Variants in TRIM37 observed in about 807,000 individuals in gnomAD.
TRIM37 encodes E3 ubiquitin-protein ligase TRIM37.
Under a neutral mutation model 129.8 loss-of-function variants are expected in TRIM37, and 80 were observed. That is an observed-to-expected ratio of 0.62 (90% CI 0.51 to 0.74). The LOEUF (loss-of-function observed/expected upper bound fraction) is 0.74, where lower values mean the gene tolerates loss of function less well. Among genes scored for constraint, TRIM37 ranks in the 30% least tolerant of loss-of-function variants. The pLI, the probability that TRIM37 is intolerant of heterozygous loss-of-function variation, is 0.00. For missense variants in TRIM37, 1,054 were observed against 1,176.5 expected (o/e 0.90, Z 1.52); for synonymous variants, 389 against 387.1 (o/e 1.00, Z -0.06).
chr17:59,096,222 G>A (rs2044845490), intron 2 of TRIM37, among the ~76,000 whole-genome samples: 1 of 151,818 alleles, frequency 6.6e-6, no homozygotes, highest in South Asian at 2.1e-4. Flanking sequence ...TAAAATTACT[G>A]TTAGTGTAAC....
chr17:59,052,869 C>T (rs987596589), intron 13 of TRIM37, among the ~76,000 whole-genome samples: 4 of 152,026 alleles, frequency 2.6e-5, no homozygotes, highest in African/African-American at 4.8e-5. Flanking sequence ...GCAGGAGAAT[C>T]GCTTGAATCT....
intron 12 of TRIM37, among the ~76,000 whole-genome samples, chr17:59,060,223 C>A (rs952938364): frequency 6.6e-6 from 1 of 152,148 alleles, no homozygotes; most frequent in Non-Finnish European, 1.5e-5. Flanking sequence ...TCTCTCAAGG[C>A]TGTAAGCTGG....
Position 59,052,280 on chromosome 17 carries a change from C to T in TRIM37, c.1200-952G>A, listed in dbSNP as rs73319217. Among the ~76,000 whole-genome samples the T allele has an allele frequency of 9.2e-3, 1,382 of 150,624 alleles. 27 individuals carry two copies. Among genetic ancestry groups the T allele is most frequent in the African/African-American group, 0.031 (1,272 of 41,096 alleles). On this transcript the variant is annotated intron_variant, in intron 13 of 23. Transcript: ENST00000262294. ...ACCTTTGTTACATAGCCTAACGTGA[C>T]TATATTTAAGGTGAAAAAATTGCAG...
At chr17:59,052,269 G>C (rs1169520990) in intron 13 of TRIM37, among the ~76,000 whole-genome samples, 1 of 150,318 alleles carries the variant, frequency 6.7e-6, no homozygotes, top group African/African-American at 2.4e-5. Context: ...TTGTTACATA[G>C]CCTAACGTGA....
intron 3 of TRIM37, chr17:59,090,062 T>C (rs529868835): frequency 6.6e-6 from 1 of 151,956 alleles, no homozygotes; most frequent in African/African-American, 2.4e-5. Context: ...ATCACGCCAT[T>C]GCACTCCGGC....
intron 11 of TRIM37, among the ~76,000 whole-genome samples, chr17:59,061,383 C>A (rs1370445680): frequency 6.6e-6 from 1 of 151,398 alleles, no homozygotes; most frequent in African/African-American, 2.4e-5. Flanking sequence ...TACAAATCAA[C>A]CTTAATAAAA....
intron 19 of TRIM37, among the ~76,000 whole-genome samples, chr17:59,024,248 T>C (rs1256254289): frequency 6.7e-6 from 1 of 148,780 alleles, no homozygotes; most frequent in African/African-American, 2.5e-5. Context: ...AATTGCCACA[T>C]TGGTTGAATA....
At chr17:58,972,647 G>A in the TRIM37 span, among the ~76,000 whole-genome samples, 2 of 152,278 alleles carry the variant, frequency 1.3e-5, no homozygotes, top group African/African-American at 2.4e-5. Context: ...CACCGCGCCC[G>A]GCCAGGATTC....
chr17:59,081,953 TAAA>T (rs762912390), intron 5 of TRIM37, among the ~76,000 whole-genome samples: 23 of 113,306 alleles, frequency 2.0e-4, no homozygotes, highest in Admixed American at 3.5e-4. Context: ...AAAAAAAAAA[TAAA>T]AAAAAAAAAA....
intron 19 of TRIM37, among the ~76,000 whole-genome samples, chr17:59,019,576 C>T (rs531864647): frequency 6.6e-5 from 10 of 152,036 alleles, no homozygotes; most frequent in Admixed American, 2.6e-4. Flanking sequence ...GGCATGGTGG[C>T]GCACACCTGT....
At chr17:59,002,846 T>C (rs1402054970) in intron 22 of TRIM37, among the ~76,000 whole-genome samples, 1 of 151,912 alleles carries the variant, frequency 6.6e-6, no homozygotes, top group Non-Finnish European at 1.5e-5. Flanking sequence ...GAAAGGGAAT[T>C]AAAAGTGAGA....
chr17:58,970,967 T>G, the TRIM37 span, among the ~76,000 whole-genome samples: 26 of 151,216 alleles, frequency 1.7e-4, no homozygotes, highest in South Asian at 6.2e-4. Flanking sequence ...AAATTATGTG[T>G]TGTTGTTGTT....
downstream of TRIM37, chr17:58,980,775 GCCA>G (rs1408079862): frequency 4.3e-6 from 7 of 1,613,936 alleles, no homozygotes; most frequent in African/African-American, 9.3e-5. The surrounding 1 kb of genome is among the most constrained non-coding windows in gnomAD (Gnocchi z 4.7). Context: ...TCTCATTTAC[GCCA>G]CCACTACTCA....
chr17:59,070,873 C>T lies in TRIM37; in HGVS notation c.759G>A (p.Arg253=). ...TGGTAACAAAAGATGCCATGGGCTT[C>T]CGATGAACTTGCTGAAACATCATAA... ...EILMMFQQVH[R]KPMASFVTTP... is the part of the protein sequence containing the mutation. The change falls in exon 9 of 24, where the codon CGG becomes CGA. Residue 253 remains arginine (R), a synonymous_variant. Transcript: ENST00000262294. 6.2e-7 allele frequency: 1 copy of T among 1,613,954 alleles called. No individual in the cohort carries two copies. The highest frequency in any genetic ancestry group is 8.5e-7 in the Non-Finnish European group (1 of 1,179,944).
intron 19 of TRIM37, 152 bp from the exon 20 acceptor site, chr17:59,017,576 T>TA: frequency 5.6e-6 from 6 of 1,068,786 alleles, no homozygotes; most frequent in Non-Finnish European, 8.4e-6. Context: ...CCAATTGGTT[T>TA]AGACTTTTGT....
intron 17 of TRIM37, among the ~76,000 whole-genome samples, chr17:59,041,150 C>CACT (rs2039110027): frequency 6.6e-6 from 1 of 152,082 alleles, no homozygotes; most frequent in East Asian, 1.9e-4. Context: ...AACCAAGATT[C>CACT]ACTACTTAAT....
At chr17:58,991,489 TA>T (rs756860952) in intron 24 of TRIM37, among the ~76,000 whole-genome samples, 2 of 151,006 alleles carry the variant, frequency 1.3e-5, no homozygotes, top group South Asian at 2.1e-4. Flanking sequence ...TGAGCCGAGA[TA>T]AAAAAAAAGT....
chr17:59,001,753 C>A (rs188415327), intron 22 of TRIM37, 39 bp from the exon 23 acceptor site: 1 of 1,611,454 alleles, frequency 6.2e-7, no homozygotes. Context: ...TGAAAAGAAA[C>A]CACTGTAAGT....
intron 19 of TRIM37, among the ~76,000 whole-genome samples, chr17:59,020,553 C>T (rs1422250430): frequency 2.0e-5 from 3 of 151,962 alleles, no homozygotes; most frequent in African/African-American, 7.3e-5. Flanking sequence ...TAGTAACTGA[C>T]TTAAGTAGCA....
Sources: gnomAD v4.1 joint callset for allele counts (sites outside exome capture counted in the v4.1 genomes callset) on GRCh38, gnomAD v4.1.1 for gene constraint, Gnocchi (gnomAD v3.1) non-coding constraint, MANE v1.5 for transcripts, NCBI Gene and HGNC (gene_info 2026-07-23, HGNC 2026-07-21) for gene names.